EPHB2: variants seen among roughly 807,000 people sequenced by gnomAD.
EPHB2 encodes the protein EPH receptor B2.
EPHB2 carries 18 observed loss-of-function variants against 96.4 expected under a neutral mutation model. That is an observed-to-expected ratio of 0.19 (90% CI 0.13 to 0.28). The LOEUF (loss-of-function observed/expected upper bound fraction) is 0.28. EPHB2 is among the 10% of genes least tolerant of loss of function. The pLI is 1.00. For synonymous variants in EPHB2, 506 were observed against 534.1 expected, an observed-to-expected ratio of 0.95 and a Z score of 0.72; for missense variants, 989 against 1,355.4, an observed-to-expected ratio of 0.73 and a Z score of 4.25.
intron 3 of EPHB2, among the ~76,000 whole-genome samples, chr1:22,840,343 A>G (rs1645447877): frequency 6.6e-6 from 1 of 152,224 alleles, no homozygotes; most frequent in Admixed American, 6.5e-5. Context: ...TAAATTTTGC[A>G]TACTCTACCA....
At chr1:22,726,155 A>ATTAT (rs1643576198) in intron 1 of EPHB2, among the ~76,000 whole-genome samples, 3 of 152,204 alleles carry the variant, frequency 2.0e-5, no homozygotes, top group Admixed American at 6.5e-5. Context: ...ATGGCAAAGA[A>ATTAT]TTATATCCCA....
At chr1:22,768,369 T>G (rs1413846199) in intron 1 of EPHB2, among the ~76,000 whole-genome samples, 3 of 152,186 alleles carry the variant, frequency 2.0e-5, no homozygotes, top group Non-Finnish European at 4.4e-5. Flanking sequence ...GGATGAAGTC[T>G]TAGTCCTTCA....
Position 22,906,812 on chromosome 1 carries a change from G to A in EPHB2, c.1991G>A (p.Arg664His), listed in dbSNP as rs776976214. The change falls in exon 11 of 16, where the codon CGC (arginine) becomes CAC (histidine). Residue 664 changes from arginine (R) to histidine (H), a missense_variant. Coordinates refer to ENST00000374630, the MANE Select transcript of EPHB2 (RefSeq NM_017449.5). The surrounding 1 kb of genome is among the most constrained non-coding windows in gnomAD (Gnocchi z 4.8). ...AAGTCGGGCTACACGGAGAAGCAGC[G>A]CCGGGACTTCCTGAGCGAAGCCTCC... ...TLKSGYTEKQ[R>H]RDFLSEASIM... 7 of 1,614,204 alleles carry A rather than the reference G, an allele frequency of 4.3e-6. No individual in the cohort carries two copies. The highest frequency in any genetic ancestry group is 2.2e-5 in the South Asian group (2 of 91,084).
chr1:22,727,657 C>G (rs1643610428), intron 1 of EPHB2, among the ~76,000 whole-genome samples: 1 of 152,038 alleles, frequency 6.6e-6, no homozygotes. Context: ...GGGGCTAGAT[C>G]TATAGCATAA....
At chr1:22,797,256 A>G (rs994170183) in intron 3 of EPHB2, among the ~76,000 whole-genome samples, 5 of 152,042 alleles carry the variant, frequency 3.3e-5, no homozygotes, top group African/African-American at 1.2e-4. Context: ...CCTTCATTCC[A>G]CTAAAACAGC....
intron 1 of EPHB2, among the ~76,000 whole-genome samples, chr1:22,732,162 A>C (rs1643731972): frequency 6.6e-6 from 1 of 152,182 alleles, no homozygotes; most frequent in Non-Finnish European, 1.5e-5. Context: ...AGTGGGAATT[A>C]GAGGGCCTGC....
intron 3 of EPHB2, among the ~76,000 whole-genome samples, chr1:22,844,151 G>T (rs1332391238): frequency 1.3e-5 from 2 of 152,098 alleles, no homozygotes; most frequent in Non-Finnish European, 2.9e-5. Context: ...ATATTCCTTT[G>T]AGCATCTACC....
chr1:22,760,874 T>C (rs1404437636), intron 1 of EPHB2, among the ~76,000 whole-genome samples: 4 of 152,122 alleles, frequency 2.6e-5, no homozygotes, highest in Non-Finnish European at 1.5e-5. Context: ...CCTTTTTCTT[T>C]CATCCTCCCG....
Position 22,784,947 on chromosome 1 carries a change from G to T in EPHB2, c.682G>T (p.Ala228Ser), listed in dbSNP as rs755610456. ...SLVAARGSCI[A>S]NAEEVDVPIK... is the part of the protein sequence containing the mutation. The stretch of plus-strand genomic sequence containing the variant: ...GGTGGCTGCCCGGGGCAGCTGCATC[G>T]CCAATGCGGAAGAGGTGGATGTACC... The change falls in exon 3 of 16, where the codon GCC (alanine) becomes TCC (serine). Residue 228 changes from alanine (A) to serine (S), a missense_variant. By Grantham distance (99) the Ala-to-Ser change is moderately conservative. Transcript: ENST00000374630. The surrounding 1 kb of genome is among the most constrained non-coding windows in gnomAD (Gnocchi z 5.1). 40 of 1,613,822 alleles carry T rather than the reference G, an allele frequency of 2.5e-5. No homozygotes were observed. In the Admixed American group the frequency reaches 6.7e-4, roughly 27 times the overall value.
At chr1:22,781,712 A>G (rs1008240023) in intron 2 of EPHB2, among the ~76,000 whole-genome samples, 2 of 151,656 alleles carry the variant, frequency 1.3e-5, no homozygotes, top group Non-Finnish European at 2.9e-5. Flanking sequence ...TTCAGCCTTT[A>G]TCCCGTGGAA....
At chr1:22,758,630 G>T (rs1180064921) in intron 1 of EPHB2, among the ~76,000 whole-genome samples, 1 of 151,840 alleles carries the variant, frequency 6.6e-6, no homozygotes, top group Non-Finnish European at 1.5e-5. Flanking sequence ...TGGGACTCAA[G>T]TCCCAGTGCC....
chr1:22,843,888 C>T (rs1020961216), intron 3 of EPHB2, among the ~76,000 whole-genome samples: 11 of 152,226 alleles, frequency 7.2e-5, no homozygotes, highest in African/African-American at 2.7e-4. Context: ...TTAGCTTCCG[C>T]TTATAAGTGA....
intron 1 of EPHB2, among the ~76,000 whole-genome samples, chr1:22,777,015 C>T (rs534082074): frequency 1.2e-4 from 19 of 152,236 alleles, no homozygotes; most frequent in African/African-American, 2.4e-4. Context: ...CTTCAAGTGC[C>T]GGGATATCTC....
chr1:22,850,003 A>G lies in EPHB2; in HGVS notation c.812-13034A>G, dbSNP rs1005721055. ...ACCAAGCAGGTAAAAAATTCCAGACATGTTCTCTGCTGACAGCTAATTGTG... is the reference window on the plus strand; with the variant it reads ...ACCAAGCAGGTAAAAAATTCCAGACGTGTTCTCTGCTGACAGCTAATTGTG... On this transcript the variant is annotated intron_variant, in intron 3 of 15. Coordinates refer to ENST00000374630, the MANE Select transcript of EPHB2 (RefSeq NM_017449.5). Among the ~76,000 whole-genome samples the G allele has an allele frequency of 5.9e-5, 9 of 152,202 alleles. 1 individual carries two copies. Among genetic ancestry groups the G allele is most frequent in the Non-Finnish European group, 1.0e-4 (7 of 68,038 alleles).
At position 22,879,445 on chromosome 1, in the gene EPHB2, G is replaced by A. The variant is rs565495031; in HGVS notation, c.1304-2914G>A. Among the ~76,000 whole-genome samples the A allele has an allele frequency of 3.9e-5, 6 of 152,336 alleles. No homozygotes were observed. In the East Asian group the frequency reaches 7.7e-4, roughly 20 times the overall value. On this transcript the variant is annotated intron_variant, in intron 5 of 15. Transcript: ENST00000374630. ...GACTTCATAAAGAAGCTGGATCCTC[G>A]GCAGTCCAGGAGAGCAGAACACTCA...
chr1:22,754,729 C>G (rs1233247325), intron 1 of EPHB2, among the ~76,000 whole-genome samples: 1 of 126,606 alleles, frequency 7.9e-6, no homozygotes, highest in Non-Finnish European at 1.7e-5. Context: ...TGCCGTGTGT[C>G]AGGAGGCAGA....
chr1:22,892,835 C>T (rs1639431502), intron 6 of EPHB2, 49 bp from the exon 7 acceptor site: 2 of 1,613,196 alleles, frequency 1.2e-6, no homozygotes, highest in Admixed American at 3.3e-5. Flanking sequence ...GGGCTCTGGA[C>T]CCACTATGAG....
At chr1:22,809,171 C>G (rs1644969905) in intron 3 of EPHB2, among the ~76,000 whole-genome samples, 1 of 152,196 alleles carries the variant, frequency 6.6e-6, no homozygotes, top group Non-Finnish European at 1.5e-5. Flanking sequence ...GACCCCTGGC[C>G]CTGGCCTGAC....
chr1:22,921,239 C>T lies in EPHB2; in HGVS notation c.*7669C>T, dbSNP rs1640389805. Reference sequence around the variant, plus strand: ...GCTCTCAACCAGGGTATGGGGCTGTCTGGCAGGGTTTCCCAGAACCCTGTT... The same window carrying T: ...GCTCTCAACCAGGGTATGGGGCTGTTTGGCAGGGTTTCCCAGAACCCTGTT... On this transcript the variant is annotated 3_prime_UTR_variant, in exon 16 of 16. Coordinates refer to ENST00000374630, the MANE Select transcript of EPHB2 (RefSeq NM_017449.5). 1 of 152,214 alleles carries T rather than the reference C, an allele frequency of 6.6e-6. No homozygotes were observed. The highest frequency in any genetic ancestry group is 1.5e-5 in the Non-Finnish European group (1 of 68,080). The allele number at this position is 152,214 out of a possible 1,614,324, so 9.4% of individuals were successfully genotyped here. A position where few individuals can be genotyped will look rare whatever the true frequency, so the allele number is the denominator to read the frequency against.
Sources: gnomAD v4.1 joint callset for allele counts (sites outside exome capture counted in the v4.1 genomes callset) on GRCh38, gnomAD v4.1.1 for gene constraint, Gnocchi (gnomAD v3.1) non-coding constraint, MANE v1.5 for transcripts, NCBI Gene and HGNC (gene_info 2026-07-23, HGNC 2026-07-21) for gene names.